Variants in UPF2 observed in about 807,000 individuals in gnomAD.
The protein encoded by UPF2 is regulator of nonsense transcripts 2.
A neutral mutation model predicts 141.4 loss-of-function variants in UPF2; 17 were observed. The observed-to-expected ratio is 0.12, with a 90% CI of 0.08 to 0.18. The LOEUF is 0.18. Among genes scored for constraint, UPF2 ranks in the 10% least tolerant of loss-of-function variants. The pLI is 1.00. For synonymous variants in UPF2, 540 were observed against 498.0 expected, an observed-to-expected ratio of 1.08 and a Z score of -1.12; for missense variants, 1,152 against 1,515.9, an observed-to-expected ratio of 0.76 and a Z score of 3.99.
chr10:11,963,738 G>A lies in UPF2; in HGVS notation c.2184+271C>T, dbSNP rs562440092. On this transcript the variant is annotated intron_variant, in intron 11 of 21. Coordinates refer to ENST00000357604, the MANE Select transcript of UPF2 (RefSeq NM_015542.4). ...CATGGCTCTAACAAAACAGTATTGGGTGCCTGCTCATCTGCATCATTTGTT... is the reference window on the plus strand; with the variant it reads ...CATGGCTCTAACAAAACAGTATTGGATGCCTGCTCATCTGCATCATTTGTT... Among the ~76,000 whole-genome samples the A allele has an allele frequency of 5.9e-5, 9 of 152,242 alleles. No homozygotes were observed. The East Asian group carries it at 1.2e-3, about 20-fold the overall frequency.
intron 4 of UPF2, among the ~76,000 whole-genome samples, chr10:12,007,613 G>A (rs1317080046): frequency 6.6e-6 from 1 of 151,920 alleles, no homozygotes; most frequent in African/African-American, 2.4e-5. Context: ...GGTGGATAAC[G>A]AGGTCAGGAG....
chr10:12,001,999 G>A (rs902678339), intron 5 of UPF2, among the ~76,000 whole-genome samples, 174 bp from the exon 6 acceptor site: 11 of 152,192 alleles, frequency 7.2e-5, no homozygotes, highest in Non-Finnish European at 1.5e-4. Context: ...GGCTGGGCAT[G>A]ATGGCTCACC....
intron 2 of UPF2, among the ~76,000 whole-genome samples, chr10:12,033,433 T>C (rs1045535030): frequency 2.0e-5 from 3 of 151,996 alleles, no homozygotes; most frequent in Non-Finnish European, 2.9e-5. Context: ...CCAAGGAGGA[T>C]GTGGTGGGAG....
chr10:12,034,224 A>T lies in UPF2; in HGVS notation c.365+835T>A, dbSNP rs764639768. On this transcript the variant is annotated intron_variant, in intron 2 of 21. Transcript: ENST00000357604. ...GCTAATATATTCTGTACAATGCCTG[A>T]TAGATAAGAACTCAACAAACATCAG... 3.3e-5 allele frequency among the ~76,000 whole-genome samples: 5 copies of T among 152,360 alleles called. No individual in the cohort carries two copies. In the South Asian group the frequency reaches 1.0e-3, roughly 32 times the overall value.
In UPF2 at chr10:12,014,207, G is replaced by A; in HGVS notation, c.1146-23C>T. On this transcript the variant is annotated intron_variant, in intron 3 of 21. Coordinates refer to ENST00000357604, the MANE Select transcript of UPF2 (RefSeq NM_015542.4). The surrounding 1 kb of genome is among the most constrained non-coding windows in gnomAD (Gnocchi z 5.0). The stretch of plus-strand genomic sequence containing the variant: ...CGCCTATAAACAAATGAAATCATCT[G>A]ACAGTCTTATCAAAATAGATGTGAT... 4 of 1,373,972 alleles carry A rather than the reference G, an allele frequency of 2.9e-6. No individual in the cohort carries two copies. Among genetic ancestry groups the A allele is most frequent in the Non-Finnish European group, 3.8e-6 (4 of 1,050,372 alleles). 85.1% of individuals were successfully genotyped at this position (1,373,972 alleles called of 1,614,324 possible). A position where few individuals can be genotyped will look rare whatever the true frequency, so the allele number is the denominator to read the frequency against.
At chr10:12,036,310 A>G (rs1358118754) in intron 1 of UPF2, among the ~76,000 whole-genome samples, 3 of 152,236 alleles carry the variant, frequency 2.0e-5, no homozygotes, top group Admixed American at 6.5e-5. Flanking sequence ...ACAACCAAAT[A>G]TAACTCCAGA....
At chr10:11,942,872 G>T in intron 17 of UPF2, 109 bp from the exon 18 acceptor site, 2 of 1,004,690 alleles carry the variant, frequency 2.0e-6, no homozygotes, top group Non-Finnish European at 3.0e-6. Context: ...AAGGAGTAAA[G>T]TGAGTAAAAT....
intron 5 of UPF2, among the ~76,000 whole-genome samples, chr10:12,002,395 T>C (rs890871820): frequency 5.3e-5 from 8 of 152,126 alleles, no homozygotes; most frequent in African/African-American, 1.9e-4. Context: ...GGATGAGGAC[T>C]TACATGGCGT....
chr10:11,938,842 GTTTTTTTTTTGTTTTT>G (rs1348093753), intron 18 of UPF2, among the ~76,000 whole-genome samples: 56 of 45,868 alleles, frequency 1.2e-3, no homozygotes, highest in African/African-American at 3.4e-3. Context: ...TCTTAAGCAA[GTTTTTTTTTTGTTTTT>G]TTTTTTTTTT....
chr10:11,994,646 C>G (rs1833835521), intron 8 of UPF2, among the ~76,000 whole-genome samples: 1 of 152,156 alleles, frequency 6.6e-6, no homozygotes, highest in Admixed American at 6.5e-5. Flanking sequence ...ATGCCAAACA[C>G]TATACTTGGT....
At chr10:12,015,572 G>C (rs1208958206) in intron 3 of UPF2, among the ~76,000 whole-genome samples, 1 of 152,086 alleles carries the variant, frequency 6.6e-6, no homozygotes, top group Admixed American at 6.6e-5. Context: ...TGCAGTGGCG[G>C]GCACCTGTAA....
At chr10:12,038,374 C>T (rs1834670663) in intron 1 of UPF2, among the ~76,000 whole-genome samples, 1 of 100,444 alleles carries the variant, frequency 1.0e-5, no homozygotes, top group Non-Finnish European at 2.2e-5. Context: ...AGTGAGACTC[C>T]ATCTCACACA....
intron 8 of UPF2, among the ~76,000 whole-genome samples, chr10:11,981,640 C>A (rs1041342732): frequency 6.6e-6 from 1 of 152,072 alleles, no homozygotes; most frequent in African/African-American, 2.4e-5. Context: ...TAGGTCCCAC[C>A]ACTCTCTAAA....
chr10:11,958,808 G>T lies in UPF2; in HGVS notation c.2370+363C>A, dbSNP rs866014082. 2.0e-4 allele frequency among the ~76,000 whole-genome samples: 30 copies of T among 152,240 alleles called. No individual in the cohort carries two copies. The Middle Eastern group carries it at 0.014, about 69-fold the overall frequency. On this transcript the variant is annotated intron_variant, in intron 12 of 21. Coordinates refer to ENST00000357604, the MANE Select transcript of UPF2 (RefSeq NM_015542.4). ...GTTCAAAATTACGAAATTTCAGAGG[G>T]ATCATGGGCCTCTTATAACGTCTAC...
intron 8 of UPF2, among the ~76,000 whole-genome samples, chr10:11,995,239 A>C (rs11819586): frequency 0.055 from 8,302 of 152,260 alleles, 289 homozygotes; most frequent in Non-Finnish European, 0.08. Flanking sequence ...AGCAGTGGCA[A>C]AGGTATGGGA....
intron 8 of UPF2, among the ~76,000 whole-genome samples, chr10:11,994,640 C>T (rs1359087477): frequency 2.0e-5 from 3 of 152,096 alleles, no homozygotes; most frequent in African/African-American, 7.2e-5. Context: ...GACTATATGC[C>T]AAACACTATA....
intron 7 of UPF2, among the ~76,000 whole-genome samples, chr10:11,999,548 A>C (rs944038483): frequency 1.3e-5 from 2 of 151,738 alleles, no homozygotes; most frequent in African/African-American, 4.8e-5. Context: ...CACAAGAAAA[A>C]AAAACTTAGT....
chr10:11,998,819 A>G lies in UPF2; in HGVS notation c.1759-1062T>C, dbSNP rs538974687. Among the ~76,000 whole-genome samples the G allele has an allele frequency of 6.6e-6, 1 of 151,974 alleles. No individual in the cohort carries two copies. The highest frequency in any genetic ancestry group is 1.5e-5 in the Non-Finnish European group (1 of 68,002). On this transcript the variant is annotated intron_variant, in intron 7 of 21. Coordinates refer to ENST00000357604, the MANE Select transcript of UPF2 (RefSeq NM_015542.4). This position sits in a 1 kb window ranked among gnomAD's most constrained non-coding sequence, Gnocchi z 4.5. Reference sequence around the variant, plus strand: ...CAGTGAGCCGAGAACATGCCACTGCACTCCAGCCTGGGCAACAGAGCAAGA... The same window carrying G: ...CAGTGAGCCGAGAACATGCCACTGCGCTCCAGCCTGGGCAACAGAGCAAGA...
chr10:11,922,236 G>C (rs1325802423), intron 21 of UPF2, among the ~76,000 whole-genome samples: 1 of 152,196 alleles, frequency 6.6e-6, no homozygotes, highest in Non-Finnish European at 1.5e-5. Context: ...CCAGTGCTGC[G>C]AGACAACAGA....
Sources: allele counts gnomAD v4.1 joint callset (sites outside exome capture counted in the v4.1 genomes callset), GRCh38; gene constraint gnomAD v4.1.1; non-coding constraint Gnocchi (gnomAD v3.1); transcripts MANE v1.5; gene names NCBI Gene and HGNC (gene_info 2026-07-23, HGNC 2026-07-21).